Variants in WDPCP observed in about 807,000 individuals in gnomAD.
WDPCP encodes WD repeat containing planar cell polarity effector, also known as WD repeat-containing and planar cell polarity effector protein fritz homolog.
In WDPCP, 71 loss-of-function variants were observed where a neutral mutation model predicts 93.1. The ratio of observed to expected loss-of-function variants is 0.76; its 90% CI spans 0.63 to 0.93. WDPCP has a LOEUF of 0.93. Ranked by LOEUF, WDPCP falls within the 40% of genes least tolerant of loss-of-function variation. The probability of loss-of-function intolerance (pLI) is 0.00; values close to 1 mark genes in which losing one functional copy is unlikely to be tolerated. For synonymous variants in WDPCP, 315 were observed against 315.0 expected (o/e 1.00, Z 0.00); for missense variants, 844 against 887.4 (o/e 0.95, Z 0.62).
At chr2:63,534,793 A>G (rs1295272427) in intron 1 of WDPCP, among the ~76,000 whole-genome samples, 3 of 152,172 alleles carry the variant, frequency 2.0e-5, no homozygotes, top group Non-Finnish European at 4.4e-5. Context: ...CCCTTTGAAA[A>G]CTCACACAAG....
intron 14 of WDPCP, among the ~76,000 whole-genome samples, chr2:63,240,369 G>C (rs1478277100): frequency 6.6e-6 from 1 of 151,960 alleles, no homozygotes; most frequent in East Asian, 1.9e-4. Context: ...GTAGAGTTGT[G>C]GTCTTGATAT....
chr2:63,588,586 T>A, upstream of WDPCP: 1 of 522,628 alleles, frequency 1.9e-6, no homozygotes, highest in Middle Eastern at 5.2e-4. Context: ...TTTACCCTCA[T>A]GGGAGGATGC....
At chr2:63,331,502 G>A (rs568756178) in intron 12 of WDPCP, among the ~76,000 whole-genome samples, 3 of 152,174 alleles carry the variant, frequency 2.0e-5, no homozygotes, top group East Asian at 1.9e-4. Flanking sequence ...AAGATATCTC[G>A]AATGTTTTAA....
intron 1 of WDPCP, among the ~76,000 whole-genome samples, chr2:63,528,451 C>G (rs1435170262): frequency 2.0e-5 from 3 of 152,160 alleles, no homozygotes; most frequent in African/African-American, 7.2e-5. Context: ...CCAGTTTTCC[C>G]AGCACCATTT....
At chr2:63,458,972 C>A (rs1036779755) in intron 6 of WDPCP, among the ~76,000 whole-genome samples, 2 of 152,096 alleles carry the variant, frequency 1.3e-5, no homozygotes, top group African/African-American at 2.4e-5. Flanking sequence ...AGAACATACA[C>A]TGGGGAAAGA....
intron 1 of WDPCP, among the ~76,000 whole-genome samples, chr2:63,575,467 G>GCACTGTATATA (rs1707964517): frequency 7.3e-4 from 5 of 6,842 alleles, no homozygotes; most frequent in Admixed American, 1.7e-3. Context: ...CAGTATATAT[G>GCACTGTATATA]CAGTATATAC....
chr2:63,694,548 A>G (rs1405643322), intron 2 of WDPCP, among the ~76,000 whole-genome samples: 3 of 152,168 alleles, frequency 2.0e-5, no homozygotes, highest in Non-Finnish European at 4.4e-5. Context: ...TTCAAGCAGG[A>G]AATAATTTTA....
At chr2:63,459,938 C>T (rs1698895668) in intron 6 of WDPCP, among the ~76,000 whole-genome samples, 1 of 151,626 alleles carries the variant, frequency 6.6e-6, no homozygotes, top group Non-Finnish European at 1.5e-5. Context: ...AAAAACAAAA[C>T]AAAAGGAGAT....
chr2:63,282,468 G>A (rs933591562), intron 13 of WDPCP, among the ~76,000 whole-genome samples: 3 of 152,164 alleles, frequency 2.0e-5, no homozygotes, highest in Admixed American at 6.5e-5. Context: ...TCGCGCCACT[G>A]CACTCCAGCC....
upstream of WDPCP, chr2:63,593,282 C>T (rs1045284661): frequency 7.2e-5 from 15 of 208,114 alleles, no homozygotes; most frequent in Admixed American, 2.5e-4. Context: ...TTAGTAGAGA[C>T]GGGGTTTCTC....
chr2:63,613,035 A>G (rs776469031), intron 3 of WDPCP, among the ~76,000 whole-genome samples: 1 of 151,092 alleles, frequency 6.6e-6, no homozygotes, highest in Admixed American at 6.6e-5. Context: ...TGTACCTTCC[A>G]TACCTTCCAT....
At chr2:63,791,815 T>C (rs1226362912) in intron 2 of WDPCP, among the ~76,000 whole-genome samples, 1 of 152,198 alleles carries the variant, frequency 6.6e-6, no homozygotes, top group Non-Finnish European at 1.5e-5. Flanking sequence ...AATTACTGAA[T>C]GTTTCTAGAC....
chr2:63,554,569 C>T (rs1236040676), intron 1 of WDPCP, among the ~76,000 whole-genome samples: 3 of 152,050 alleles, frequency 2.0e-5, no homozygotes, highest in African/African-American at 7.2e-5. Flanking sequence ...AGGAGAATCA[C>T]TTGAACCCAG....
chr2:63,311,595 C>A (rs1254597296), intron 13 of WDPCP, among the ~76,000 whole-genome samples: 1 of 152,190 alleles, frequency 6.6e-6, no homozygotes, highest in Admixed American at 6.5e-5. Context: ...CTATACTTCC[C>A]TTATTTTAGA....
chr2:63,779,214 C>T (rs576548749), intron 2 of WDPCP, among the ~76,000 whole-genome samples: 6 of 152,278 alleles, frequency 3.9e-5, no homozygotes, highest in African/African-American at 1.2e-4. Context: ...CTGGGATAAA[C>T]AAGCATCCTC....
intron 12 of WDPCP, among the ~76,000 whole-genome samples, chr2:63,350,288 C>T (rs1049644624): frequency 1.3e-5 from 2 of 151,942 alleles, no homozygotes; most frequent in African/African-American, 2.4e-5. Context: ...CGGGGCATGT[C>T]GGAGGGTGCA....
At chr2:63,489,840 C>G (rs1031596965) in intron 2 of WDPCP, among the ~76,000 whole-genome samples, 1 of 151,862 alleles carries the variant, frequency 6.6e-6, no homozygotes, top group Non-Finnish European at 1.5e-5. Flanking sequence ...TACATAATTT[C>G]AAGGTATTTC....
intron 14 of WDPCP, among the ~76,000 whole-genome samples, chr2:63,181,026 G>A (rs1674199560): frequency 6.6e-6 from 1 of 151,972 alleles, no homozygotes; most frequent in Non-Finnish European, 1.5e-5. Flanking sequence ...TAGGAGGTGG[G>A]TAAAGGATGA....
At chr2:63,411,786 G>A (rs1376682894) in intron 9 of WDPCP, among the ~76,000 whole-genome samples, 1 of 151,982 alleles carries the variant, frequency 6.6e-6, no homozygotes, top group Non-Finnish European at 1.5e-5. Context: ...TAGAATAGAG[G>A]GAAAAATTCC....
Sources: gnomAD v4.1 joint callset for allele counts (sites outside exome capture counted in the v4.1 genomes callset) on GRCh38, gnomAD v4.1.1 for gene constraint, MANE v1.5 for transcripts, NCBI Gene and HGNC (gene_info 2026-07-23, HGNC 2026-07-21) for gene names.